TENM4: variants seen among roughly 807,000 people sequenced by gnomAD.
TENM4 encodes the protein teneurin transmembrane protein 4, also known as teneurin-4.
TENM4 carries 82 observed loss-of-function variants against 243.3 expected under a neutral mutation model. The ratio of observed to expected loss-of-function variants is 0.34; its 90% CI spans 0.28 to 0.40. TENM4 has a LOEUF of 0.40. Ranked by LOEUF, TENM4 falls within the 10% of genes least tolerant of loss-of-function variation. The pLI, the probability that TENM4 is intolerant of heterozygous loss-of-function variation, is 1.00. For missense variants in TENM4, 3,138 were observed against 3,673.3 expected, an observed-to-expected ratio of 0.85 and a Z score of 3.77; for synonymous variants, 1,412 against 1,456.3, an observed-to-expected ratio of 0.97 and a Z score of 0.69.
chr11:79,069,832 G>C lies in TENM4; in HGVS notation c.113C>G (p.Ser38Trp). Residue 38 changes from serine to tryptophan, a missense_variant, in exon 5 of 34, where the codon TCG (serine) becomes TGG (tryptophan). This residue lies in a region of TENM4 where 671 missense variants were observed against 614.1 expected (regional missense o/e 1.09). Coordinates refer to ENST00000278550, the MANE Select transcript of TENM4 (RefSeq NM_001098816.3). ...CTTCAGGGTCTCGCTGGAGCTGTACGATTTCTGCGGGGCTTTGCCCTCCTC... is the reference window on the plus strand; with the variant it reads ...CTTCAGGGTCTCGCTGGAGCTGTACCATTTCTGCGGGGCTTTGCCCTCCTC... ...DSEEGKAPQK[S>W]YSSSETLKAY... 6 of 1,550,892 alleles carry C rather than the reference G, an allele frequency of 3.9e-6. No homozygotes were observed. Among genetic ancestry groups the C allele is most frequent in the Non-Finnish European group, 5.2e-6 (6 of 1,146,896 alleles).
chr11:79,154,812 G>C (rs1862571683), intron 3 of TENM4, among the ~76,000 whole-genome samples: 1 of 152,090 alleles, frequency 6.6e-6, no homozygotes, highest in South Asian at 2.1e-4. Context: ...TATCTCCCCA[G>C]CTAGAATATA....
At chr11:79,362,118 C>T (rs887028930) in intron 1 of TENM4, among the ~76,000 whole-genome samples, 6 of 152,262 alleles carry the variant, frequency 3.9e-5, no homozygotes, top group African/African-American at 1.4e-4. Context: ...GAGACCAAGA[C>T]TGATAAAATG....
rs1210346321 is a variant in TENM4, at chr11:78,856,146, A to C, written c.1288T>G (p.Phe430Val). The C allele has an allele frequency of 1.2e-5, 18 of 1,551,540 alleles. No homozygotes were observed. Among genetic ancestry groups the C allele is most frequent in the Non-Finnish European group, 1.5e-5 (17 of 1,146,998 alleles). The change falls in exon 11 of 34, where the codon TTC becomes GTC. Residue 430 changes from phenylalanine to valine, a missense_variant. Transcript: ENST00000278550. ...ACATCAATTTCTCCAGAATCTATGA[A>C]ACTGTCCTCTGGAAAGAAACTACTG... ...KPSSFFPEDS[F>V]IDSGEIDVGR... is the part of the protein sequence containing the mutation.
At chr11:78,846,849 G>A (rs1858406105) in intron 12 of TENM4, among the ~76,000 whole-genome samples, 2 of 152,186 alleles carry the variant, frequency 1.3e-5, no homozygotes. Context: ...ACACTGCTAT[G>A]TGCCTACCCC....
intron 4 of TENM4, among the ~76,000 whole-genome samples, chr11:79,086,621 G>C (rs932024985): frequency 2.0e-5 from 3 of 152,060 alleles, no homozygotes; most frequent in Non-Finnish European, 2.9e-5. Flanking sequence ...ATCACTTGAG[G>C]TCAGGAGTTT....
chr11:79,376,765 G>T (rs1252988228), intron 1 of TENM4, among the ~76,000 whole-genome samples: 1 of 152,164 alleles, frequency 6.6e-6, no homozygotes, highest in Non-Finnish European at 1.5e-5. Flanking sequence ...TGCCAGGGTG[G>T]TATGTCCCCT....
At chr11:79,260,023 G>A (rs1855769432) in intron 2 of TENM4, among the ~76,000 whole-genome samples, 3 of 152,168 alleles carry the variant, frequency 2.0e-5, no homozygotes, top group Admixed American at 2.0e-4. Context: ...GGAGGGCTGT[G>A]GGTGGTGGAG....
At chr11:78,787,899 C>T (rs1472219949) in intron 15 of TENM4, among the ~76,000 whole-genome samples, 2 of 152,226 alleles carry the variant, frequency 1.3e-5, no homozygotes, top group African/African-American at 4.8e-5. Context: ...AGGCCAGCAA[C>T]AGCTTCATGC....
rs1190922532 is a variant in TENM4, at chr11:79,440,154, G to C, written c.-321+355C>G. On this transcript the variant is annotated intron_variant, in intron 1 of 33. Coordinates refer to ENST00000278550, the MANE Select transcript of TENM4 (RefSeq NM_001098816.3). The surrounding 1 kb of genome is among the most constrained non-coding windows in gnomAD (Gnocchi z 4.7). Reference sequence around the variant, plus strand: ...CAGAGGGGCTGCAGGCGACCGGGCCGGGGCGGGGAACGGGATCCGGGAGAG... The same window carrying C: ...CAGAGGGGCTGCAGGCGACCGGGCCCGGGCGGGGAACGGGATCCGGGAGAG... 6.6e-6 allele frequency among the ~76,000 whole-genome samples: 1 copy of C among 152,058 alleles called. No individual in the cohort carries two copies. Among genetic ancestry groups the C allele is most frequent in the East Asian group, 1.9e-4 (1 of 5,136 alleles).
intron 15 of TENM4, among the ~76,000 whole-genome samples, chr11:78,804,638 G>T (rs1857351544): frequency 6.6e-6 from 1 of 152,156 alleles, no homozygotes; most frequent in Non-Finnish European, 1.5e-5. Context: ...CAAACCCTGT[G>T]ATGAACCAAA....
chr11:78,732,174 G>T, intron 21 of TENM4, 142 bp downstream of exon 21: 2 of 1,211,602 alleles, frequency 1.7e-6, no homozygotes, highest in Non-Finnish European at 2.2e-6. Context: ...GGGTTTGGTG[G>T]CTGGATTTTG....
intron 6 of TENM4, among the ~76,000 whole-genome samples, chr11:78,982,289 G>A (rs905541578): frequency 2.0e-5 from 3 of 152,106 alleles, no homozygotes; most frequent in Non-Finnish European, 4.4e-5. Context: ...GTCTAACAAG[G>A]CAGATACAAT....
At chr11:79,095,142 C>CA (rs1177732175) in intron 4 of TENM4, among the ~76,000 whole-genome samples, 1 of 152,120 alleles carries the variant, frequency 6.6e-6, no homozygotes, top group Non-Finnish European at 1.5e-5. Flanking sequence ...AAATGGGGTC[C>CA]AGGCTGCAGT....
At chr11:78,822,975 C>T (rs1410752659) in intron 12 of TENM4, among the ~76,000 whole-genome samples, 1 of 152,198 alleles carries the variant, frequency 6.6e-6, no homozygotes, top group Non-Finnish European at 1.5e-5. Flanking sequence ...TGATGGGAGC[C>T]TCAAGCGGCC....
chr11:79,018,963 C>T (rs1341683656), intron 6 of TENM4, among the ~76,000 whole-genome samples: 2 of 152,338 alleles, frequency 1.3e-5, no homozygotes, highest in East Asian at 3.9e-4. Context: ...GGAGCCTTGG[C>T]TCCCAGCCCC....
chr11:78,850,645 T>A (rs568237786), intron 12 of TENM4, among the ~76,000 whole-genome samples: 1 of 152,180 alleles, frequency 6.6e-6, no homozygotes, highest in Non-Finnish European at 1.5e-5. Context: ...AAACCATCAC[T>A]GTAGCTTGAA....
intron 2 of TENM4, among the ~76,000 whole-genome samples, chr11:79,274,944 G>C (rs751911546): frequency 6.6e-6 from 1 of 152,090 alleles, no homozygotes; most frequent in African/African-American, 2.4e-5. Context: ...AGTGGCTCTC[G>C]CACAGTGCTC....
At chr11:78,720,525 C>G (rs1462286055) in intron 24 of TENM4, 135 bp from the exon 25 acceptor site, 2 of 851,200 alleles carry the variant, frequency 2.3e-6, no homozygotes, top group East Asian at 4.9e-5. Context: ...GACTTAGCAG[C>G]TGTGACACTG....
intron 29 of TENM4, among the ~76,000 whole-genome samples, 154 bp from the exon 30 acceptor site, chr11:78,676,541 G>A (rs1858483066): frequency 6.6e-6 from 1 of 152,146 alleles, no homozygotes; most frequent in Non-Finnish European, 1.5e-5. Context: ...AATACATGGA[G>A]AAGACCATCC....
Sources: gnomAD v4.1 joint callset for allele counts (sites outside exome capture counted in the v4.1 genomes callset) on GRCh38, gnomAD v4.1.1 for gene constraint, gnomAD v4.1.1 regional missense constraint, Gnocchi (gnomAD v3.1) non-coding constraint, MANE v1.5 for transcripts, NCBI Gene and HGNC (gene_info 2026-07-23, HGNC 2026-07-21) for gene names.